Variants in MYO9A observed in about 807,000 individuals in gnomAD.
MYO9A encodes the protein myosin IXA.
In MYO9A, 103 loss-of-function variants were observed where a neutral mutation model predicts 293.3. The ratio of observed to expected loss-of-function variants is 0.35; its 90% CI spans 0.30 to 0.41. The LOEUF is 0.41. MYO9A is among the 10% of genes least tolerant of loss of function. The pLI is 1.00. For synonymous variants in MYO9A, 1,001 were observed against 1,035.7 expected (o/e 0.97, Z 0.64); for missense variants, 2,685 against 3,033.0 (o/e 0.89, Z 2.69).
intron 35 of MYO9A, 51 bp downstream of exon 35, chr15:71,854,326 G>C: frequency 7.6e-7 from 1 of 1,307,338 alleles, no homozygotes; most frequent in East Asian, 2.6e-5. Flanking sequence ...AGCATGAAAG[G>C]AACTATTTAA....
At chr15:71,831,261 A>G (rs1420365990) in intron 39 of MYO9A, among the ~76,000 whole-genome samples, 3 of 152,140 alleles carry the variant, frequency 2.0e-5, no homozygotes, top group African/African-American at 7.2e-5. Context: ...CCTTGCACAT[A>G]TTTTGTAAAT....
chr15:71,831,461 A>C (rs1321858829), intron 39 of MYO9A, among the ~76,000 whole-genome samples: 1 of 152,170 alleles, frequency 6.6e-6, no homozygotes, highest in East Asian at 1.9e-4. Context: ...AGACCCACTC[A>C]ATGGTGTGGG....
At chr15:71,848,115 T>A (rs1460344568) in intron 39 of MYO9A, among the ~76,000 whole-genome samples, 1 of 151,804 alleles carries the variant, frequency 6.6e-6, no homozygotes, top group East Asian at 2.0e-4. Context: ...GGGCAATAAA[T>A]AAACCTTAAT....
In MYO9A at chr15:72,028,278, G is replaced by T. The variant is rs1281912399; in HGVS notation, c.936-485C>A. ...ACATACTATTATAATTGTGGTATGGGTACTGTTAGTGTTATCCATGTTAAA... is the reference window on the plus strand; with the variant it reads ...ACATACTATTATAATTGTGGTATGGTTACTGTTAGTGTTATCCATGTTAAA... On this transcript the variant is annotated intron_variant, in intron 3 of 41. Transcript: ENST00000356056. Among the ~76,000 whole-genome samples the T allele has an allele frequency of 2.0e-5, 3 of 147,590 alleles. No homozygotes were observed. The Admixed American group carries it at 2.0e-4, about 10-fold the overall frequency.
At chr15:71,843,726 G>A (rs1018526575) in intron 39 of MYO9A, among the ~76,000 whole-genome samples, 6 of 152,090 alleles carry the variant, frequency 3.9e-5, no homozygotes, top group African/African-American at 1.2e-4. Flanking sequence ...CAAGTGATCC[G>A]CCCGCCTCGG....
intron 32 of MYO9A, among the ~76,000 whole-genome samples, chr15:71,870,282 G>A (rs1419399434): frequency 1.3e-5 from 2 of 151,970 alleles, no homozygotes; most frequent in African/African-American, 2.4e-5. Flanking sequence ...TAATTAAATG[G>A]TTCCATAGGA....
chr15:72,024,677 A>G (rs567354685), intron 4 of MYO9A, among the ~76,000 whole-genome samples: 5 of 152,376 alleles, frequency 3.3e-5, no homozygotes, highest in East Asian at 1.9e-4. Context: ...AGTAATTTGC[A>G]TAACAATTAC....
intron 8 of MYO9A, among the ~76,000 whole-genome samples, chr15:72,000,345 A>G (rs990651591): frequency 1.3e-5 from 2 of 152,240 alleles, no homozygotes; most frequent in African/African-American, 4.8e-5. Flanking sequence ...TTTCTTCTTC[A>G]TGAATCTTGA....
intron 10 of MYO9A, among the ~76,000 whole-genome samples, chr15:71,993,954 C>CAAAAAAAAAAAAAA (rs34602189): frequency 8.3e-6 from 1 of 119,806 alleles, no homozygotes; most frequent in Non-Finnish European, 1.7e-5. Context: ...GACACCGTCT[C>CAAAAAAAAAAAAAA]AAAAAAAAAA....
intron 10 of MYO9A, among the ~76,000 whole-genome samples, chr15:71,993,395 A>C (rs2076597660): frequency 1.3e-5 from 2 of 152,236 alleles, no homozygotes; most frequent in Admixed American, 6.5e-5. Flanking sequence ...AAAAAGGAGT[A>C]TCAAAAAGAC....
In MYO9A at chr15:71,859,806, A is replaced by G. The variant is rs1223052012; in HGVS notation, c.6092-10T>C. The G allele has an allele frequency of 6.2e-7, 1 of 1,611,696 alleles. No homozygotes were observed. The highest frequency in any genetic ancestry group is 8.5e-7 in the Non-Finnish European group (1 of 1,178,308). ...CAAGCATACTTGCATACTGAAAAAT[A>G]GGTGAGGAATGCAACATTTTTAGAA... On this transcript the variant is annotated splice_polypyrimidine_tract_variant and intron_variant, in intron 33 of 41. Coordinates refer to ENST00000356056, the MANE Select transcript of MYO9A (RefSeq NM_006901.4).
In MYO9A at chr15:71,839,465, G is replaced by A. The variant is rs144977628; in HGVS notation, c.6838-9154C>T. Among the ~76,000 whole-genome samples, 18 of 152,096 alleles carry A rather than the reference G, an allele frequency of 1.2e-4. 4 individuals are homozygous for A. Among genetic ancestry groups the A allele is most frequent in the Admixed American group, 9.2e-4 (14 of 15,282 alleles). On this transcript the variant is annotated intron_variant, in intron 39 of 41. Coordinates refer to ENST00000356056, the MANE Select transcript of MYO9A (RefSeq NM_006901.4). The stretch of plus-strand genomic sequence containing the variant: ...TTACTCTTGCTCAGCCTAGAGTGCA[G>A]TGGCACAATCATAGCTCACTGCAGC...
intron 1 of MYO9A, among the ~76,000 whole-genome samples, chr15:72,103,318 A>AAGCAGC (rs150918805): frequency 2.1e-5 from 3 of 143,792 alleles, no homozygotes; most frequent in Admixed American, 2.1e-4. Flanking sequence ...AAGCAGCAGC[A>AAGCAGC]AGCAGCAGCA....
At chr15:71,995,020 C>G (rs2076658548) in intron 9 of MYO9A, among the ~76,000 whole-genome samples, 1 of 152,246 alleles carries the variant, frequency 6.6e-6, no homozygotes, top group South Asian at 2.1e-4. Flanking sequence ...GCGTGAGCCA[C>G]CGCACCCAGC....
Position 72,027,725 on chromosome 15 carries a change from A to G in MYO9A, c.998+6T>C. On this transcript the variant is annotated splice_donor_region_variant and intron_variant, in intron 4 of 41. Transcript: ENST00000356056. ...TTCATCTAATTACACAAATAAAAATACGTACCGTTCATTATGCTCCTGATA... is the reference window on the plus strand; with the variant it reads ...TTCATCTAATTACACAAATAAAAATGCGTACCGTTCATTATGCTCCTGATA... 1 of 1,596,968 alleles carries G rather than the reference A, an allele frequency of 6.3e-7. No homozygotes were observed. Among genetic ancestry groups the G allele is most frequent in the South Asian group, 1.1e-5 (1 of 88,336 alleles).
intron 1 of MYO9A, among the ~76,000 whole-genome samples, chr15:72,076,560 C>CT (rs2150280906): frequency 6.6e-6 from 1 of 152,176 alleles, no homozygotes; most frequent in Admixed American, 6.5e-5. Flanking sequence ...TGAAAGATCT[C>CT]TAACGTGAAA....
chr15:72,053,408 A>AG (rs36125543), intron 1 of MYO9A, among the ~76,000 whole-genome samples: 30,832 of 151,714 alleles, frequency 0.2, 3,279 homozygotes, highest in East Asian at 0.41. Flanking sequence ...TCCGTCTCAA[A>AG]GAAAAAAAAA....
chr15:72,085,073 G>A (rs2079672815), intron 1 of MYO9A, among the ~76,000 whole-genome samples: 1 of 152,116 alleles, frequency 6.6e-6, no homozygotes, highest in Admixed American at 6.5e-5. Flanking sequence ...CTGAGATTCT[G>A]TCCTCAGCTT....
In MYO9A at chr15:71,851,230, G is replaced by A. The variant is rs572130099; in HGVS notation, c.6581+23C>T. ...AATCCAAGAGAAACTATTAAAAATC[G>A]TTCCCTTGCTTCTTAAAGTTACCTG... is the stretch of plus-strand genomic sequence containing the variant. On this transcript the variant is annotated intron_variant, in intron 37 of 41. Coordinates refer to ENST00000356056, the MANE Select transcript of MYO9A (RefSeq NM_006901.4). 7.4e-4 allele frequency: 1,144 copies of A among 1,542,374 alleles called. 21 individuals are homozygous for A. The South Asian group carries it at 0.011, about 14-fold the overall frequency.
Sources: allele counts gnomAD v4.1 joint callset (sites outside exome capture counted in the v4.1 genomes callset), GRCh38; gene constraint gnomAD v4.1.1; transcripts MANE v1.5; gene names NCBI Gene and HGNC (gene_info 2026-07-23, HGNC 2026-07-21).